TXLNB: variants seen among roughly 807,000 people sequenced by gnomAD.
TXLNB encodes taxilin beta.
In TXLNB, 37 loss-of-function variants were observed where a neutral mutation model predicts 57.4. The observed-to-expected ratio is 0.64, with a 90% confidence interval of 0.50 to 0.85. TXLNB has a LOEUF of 0.85. TXLNB is among the 40% of genes least tolerant of loss of function. TXLNB has a pLI of 0.00. For missense variants in TXLNB, 848 were observed against 825.6 expected (o/e 1.03, Z -0.33); for synonymous variants, 302 against 309.6 (o/e 0.98, Z 0.26).
intron 5 of TXLNB, among the ~76,000 whole-genome samples, chr6:139,262,186 G>A (rs182286390): frequency 2.4e-4 from 36 of 152,216 alleles, no homozygotes; most frequent in Non-Finnish European, 3.7e-4. Flanking sequence ...GATTACAGGC[G>A]TGAGCCACCG....
intron 2 of TXLNB, among the ~76,000 whole-genome samples, chr6:139,284,620 T>G (rs906854038): frequency 1.4e-5 from 2 of 145,942 alleles, no homozygotes; most frequent in African/African-American, 5.0e-5. Flanking sequence ...AACTAGAATG[T>G]GCACAGGCCT....
the TXLNB span, among the ~76,000 whole-genome samples, chr6:139,226,672 G>T: frequency 6.6e-6 from 1 of 152,176 alleles, no homozygotes; most frequent in African/African-American, 2.4e-5. Context: ...GAGGCTATAC[G>T]CCTGACCAAT....
the TXLNB span, among the ~76,000 whole-genome samples, chr6:139,308,904 G>A: frequency 2.6e-5 from 4 of 152,190 alleles, no homozygotes; most frequent in Non-Finnish European, 4.4e-5. Context: ...TGTGTTGACC[G>A]CTTAGCATCC....
chr6:139,168,069 C>G, the TXLNB span, among the ~76,000 whole-genome samples: 1 of 152,184 alleles, frequency 6.6e-6, no homozygotes, highest in Non-Finnish European at 1.5e-5. Context: ...ATATCCCCAC[C>G]TGTCTCCTTC....
the TXLNB span, among the ~76,000 whole-genome samples, chr6:139,300,952 A>G: frequency 6.6e-6 from 1 of 152,188 alleles, no homozygotes; most frequent in Non-Finnish European, 1.5e-5. Context: ...AAGGACTACA[A>G]AGGAAGCACC....
Position 139,242,992 on chromosome 6 carries a change from G to C in TXLNB, c.1589C>G (p.Ser530Cys). 1 of 1,614,168 alleles carries C rather than the reference G, an allele frequency of 6.2e-7. No homozygotes were observed. Among genetic ancestry groups the C allele is most frequent in the Non-Finnish European group, 8.5e-7 (1 of 1,180,040 alleles). Residue 530 changes from serine to cysteine, a missense_variant, in exon 10 of 10, where the codon TCT becomes TGT. Ser to Cys is a moderately radical substitution (Grantham distance 112). Coordinates refer to ENST00000358430, the MANE Select transcript of TXLNB (RefSeq NM_153235.4). The stretch of plus-strand genomic sequence containing the variant: ...GAGAGCGGCGTCAGCACTCTCCTGA[G>C]AACTGCCTATTTCGGGTTGGGTTTC... Reference protein sequence around the residue: ...SKETQPEIGSSQESADAALKE... With the variant: ...SKETQPEIGSCQESADAALKE...
At chr6:139,165,334 C>T in the TXLNB span, among the ~76,000 whole-genome samples, 1 of 152,070 alleles carries the variant, frequency 6.6e-6, no homozygotes, top group African/African-American at 2.4e-5. Flanking sequence ...TACCTCCTGC[C>T]CTCCTCCAGC....
Position 139,283,352 on chromosome 6 carries a change from G to A in TXLNB, c.424+5124C>T, listed in dbSNP as rs552259632. On this transcript the variant is annotated intron_variant, in intron 2 of 9. Transcript: ENST00000358430. ...AGCACTTTGGGAGACCGACGCAGGC[G>A]GATCACCTGAGGTCGGGAGTTCAAG... Among the ~76,000 whole-genome samples, 10 of 143,738 alleles carry A rather than the reference G, an allele frequency of 7.0e-5. 2 individuals carry two copies. The highest frequency in any genetic ancestry group is 2.0e-4 in the Admixed American group (3 of 14,706). The allele number at this position is 143,738 out of a possible 152,430, so 94.3% of individuals were successfully genotyped here.
chr6:139,185,151 G>T, the TXLNB span, among the ~76,000 whole-genome samples: 1 of 152,214 alleles, frequency 6.6e-6, no homozygotes, highest in Admixed American at 6.5e-5. Context: ...TTTGGGCAGG[G>T]AGTGGGATAG....
At position 139,242,741 on chromosome 6, in the gene TXLNB, C is replaced by G. The variant is rs757710174; in HGVS notation, c.1840G>C (p.Ala614Pro). 3 of 1,613,206 alleles carry G rather than the reference C, an allele frequency of 1.9e-6. No individual in the cohort carries two copies. The East Asian group carries it at 6.7e-5, about 36-fold the overall frequency. ...WKPEAEASGQAPQAPTEASLQ... is the reference protein window; with the variant it reads ...WKPEAEASGQPPQAPTEASLQ... ...GAGGCCTCGGTGGGAGCCTGTGGGGCCTGACCGGAAGCTTCTGCCTCTGGC... is the reference window on the plus strand; with the variant it reads ...GAGGCCTCGGTGGGAGCCTGTGGGGGCTGACCGGAAGCTTCTGCCTCTGGC... The change falls in exon 10 of 10, where the codon GCC becomes CCC. Residue 614 changes from alanine to proline, a missense_variant. Physicochemically the swap from Ala to Pro is conservative, Grantham distance 27 (BLOSUM62 -1). Coordinates refer to ENST00000358430, the MANE Select transcript of TXLNB (RefSeq NM_153235.4).
At position 139,242,847 on chromosome 6, in the gene TXLNB, A is replaced by G. The variant is rs774834689; in HGVS notation, c.1734T>C (p.Ser578=). The G allele has an allele frequency of 2.4e-5, 38 of 1,613,926 alleles. No individual in the cohort carries two copies. Among genetic ancestry groups the G allele is most frequent in the Middle Eastern group, 1.6e-4 (1 of 6,084 alleles). The change falls in exon 10 of 10, where the codon AGT becomes AGC. Residue 578 remains serine, a synonymous_variant. Coordinates refer to ENST00000358430, the MANE Select transcript of TXLNB (RefSeq NM_153235.4). ...GSDAEPPSKA[S]NSPAGLGAET... ...CTGCTCCCAACCCGGCAGGAGAATT[A>G]CTGGCCTTGGAGGGAGGTTCAGCAT...
the TXLNB span, among the ~76,000 whole-genome samples, chr6:139,217,783 C>T: frequency 5.4e-5 from 8 of 148,208 alleles, no homozygotes; most frequent in East Asian, 2.0e-4. Context: ...GCAGGAGAAT[C>T]GCTTGCACCT....
At chr6:139,224,353 C>T in the TXLNB span, among the ~76,000 whole-genome samples, 17 of 148,344 alleles carry the variant, frequency 1.1e-4, no homozygotes, top group East Asian at 7.9e-4. Flanking sequence ...TGCTAGATGA[C>T]GAGTTAGTGG....
At chr6:139,166,218 C>G in the TXLNB span, 17 of 1,266,514 alleles carry the variant, frequency 1.3e-5, no homozygotes, top group Non-Finnish European at 1.8e-5. Context: ...CATACTGTTG[C>G]AAGTACAGGT....
chr6:139,297,159 G>T, the TXLNB span, among the ~76,000 whole-genome samples: 6 of 152,064 alleles, frequency 3.9e-5, no homozygotes, highest in Non-Finnish European at 7.4e-5. Flanking sequence ...TTGTGGTTTG[G>T]GGTTTATGGA....
At chr6:139,187,609 G>T in the TXLNB span, among the ~76,000 whole-genome samples, 7 of 152,148 alleles carry the variant, frequency 4.6e-5, no homozygotes, top group African/African-American at 1.7e-4. Context: ...GCATAAGCAA[G>T]TCTGGGAATA....
chr6:139,179,155 G>A, the TXLNB span: 1 of 152,220 alleles, frequency 6.6e-6, no homozygotes, highest in African/African-American at 2.4e-5. Context: ...CAAAGCTGTA[G>A]TGGTGAATTA....
At chr6:139,278,772 A>G (rs1434333422) in intron 2 of TXLNB, among the ~76,000 whole-genome samples, 4 of 152,194 alleles carry the variant, frequency 2.6e-5, no homozygotes, top group Non-Finnish European at 5.9e-5. Flanking sequence ...TTGGGAGGCT[A>G]AGGCGGGCGG....
At chr6:139,307,193 T>G in the TXLNB span, among the ~76,000 whole-genome samples, 1 of 151,684 alleles carries the variant, frequency 6.6e-6, no homozygotes, top group Non-Finnish European at 1.5e-5. Context: ...ATGATTGGGG[T>G]TTTTTGTTTG....
Sources: gnomAD v4.1 joint callset for allele counts (sites outside exome capture counted in the v4.1 genomes callset) on GRCh38, gnomAD v4.1.1 for gene constraint, MANE v1.5 for transcripts, NCBI Gene and HGNC (gene_info 2026-07-23, HGNC 2026-07-21) for gene names.